Variants in ATAD2B observed in about 807,000 individuals in gnomAD.
ATAD2B encodes the protein ATPase family AAA domain-containing protein 2B.
ATAD2B carries 40 observed loss-of-function variants against 167.6 expected under a neutral mutation model. The ratio of observed to expected loss-of-function variants is 0.24; its 90% confidence interval spans 0.19 to 0.31. The LOEUF (loss-of-function observed/expected upper bound fraction) is 0.31, where lower values mean the gene tolerates loss of function less well. Ranked by LOEUF, ATAD2B falls within the 10% of genes least tolerant of loss-of-function variation. The pLI is 1.00. For synonymous variants in ATAD2B, 579 were observed against 596.5 expected (o/e 0.97, Z 0.43); for missense variants, 1,242 against 1,757.2 (o/e 0.71, Z 5.24).
At chr2:23,797,857 T>A (rs908792876) in intron 19 of ATAD2B, among the ~76,000 whole-genome samples, 4 of 152,186 alleles carry the variant, frequency 2.6e-5, no homozygotes, top group African/African-American at 9.6e-5. Flanking sequence ...AGGTTTTGAA[T>A]TTTTGAATTA....
At chr2:23,915,323 G>A (rs551301649) in intron 1 of ATAD2B, among the ~76,000 whole-genome samples, 1 of 151,832 alleles carries the variant, frequency 6.6e-6, no homozygotes, top group South Asian at 2.1e-4. Context: ...ATTATTTTGG[G>A]ACAAGCATAA....
At chr2:23,912,061 ATT>A (rs916475450) in intron 1 of ATAD2B, among the ~76,000 whole-genome samples, 2 of 152,112 alleles carry the variant, frequency 1.3e-5, no homozygotes, top group African/African-American at 2.4e-5. Flanking sequence ...CAGAATACAT[ATT>A]CTTTTCCAGC....
At chr2:23,714,426 G>T in the ATAD2B span, among the ~76,000 whole-genome samples, 1 of 145,470 alleles carries the variant, frequency 6.9e-6, no homozygotes, top group Non-Finnish European at 1.5e-5. Flanking sequence ...TTTTTTAGTA[G>T]AGACAGGGTT....
intron 1 of ATAD2B, among the ~76,000 whole-genome samples, chr2:23,908,233 C>T (rs1433460331): frequency 6.6e-6 from 1 of 151,876 alleles, no homozygotes; most frequent in Non-Finnish European, 1.5e-5. Flanking sequence ...ATTTTCGCAA[C>T]CTACTCATCT....
intron 1 of ATAD2B, among the ~76,000 whole-genome samples, chr2:23,898,574 T>C (rs754565246): frequency 4.6e-5 from 7 of 152,254 alleles, no homozygotes; most frequent in Non-Finnish European, 1.0e-4. Flanking sequence ...GCACATGTTC[T>C]CAGGACCTCT....
intron 1 of ATAD2B, among the ~76,000 whole-genome samples, chr2:23,907,668 C>G (rs966251686): frequency 6.6e-6 from 1 of 152,118 alleles, no homozygotes; most frequent in Non-Finnish European, 1.5e-5. Flanking sequence ...CAAAAAAGAG[C>G]CCCCATTGCC....
At chr2:23,697,682 A>T in the ATAD2B span, 1 of 152,192 alleles carries the variant, frequency 6.6e-6, no homozygotes, top group Non-Finnish European at 1.5e-5. Flanking sequence ...AGTAGAGCCC[A>T]GAGATGGCTC....
chr2:23,742,016 A>G, the ATAD2B span, among the ~76,000 whole-genome samples: 1 of 152,198 alleles, frequency 6.6e-6, no homozygotes, highest in South Asian at 2.1e-4. Flanking sequence ...ACCATCTCAC[A>G]CCAGTTGGAA....
intron 11 of ATAD2B, among the ~76,000 whole-genome samples, chr2:23,864,165 T>C (rs999323779): frequency 5.9e-5 from 9 of 151,928 alleles, no homozygotes; most frequent in African/African-American, 2.2e-4. Flanking sequence ...ACACCACCCC[T>C]AGCTAATTTT....
At position 23,812,292 on chromosome 2, in the gene ATAD2B, G is replaced by A. The variant is rs1421395143; in HGVS notation, c.2268-1790C>T. 3.0e-5 allele frequency among the ~76,000 whole-genome samples: 4 copies of A among 133,374 alleles called. No individual in the cohort carries two copies. The Admixed American group carries it at 3.2e-4, about 11-fold the overall frequency. 87.5% of individuals were successfully genotyped at this position (133,374 alleles called of 152,430 possible). A position where few individuals can be genotyped will look rare whatever the true frequency, so the allele number is the denominator to read the frequency against. ...CAATAACCACTGTAAAAAAGGAAAGGAGATCCTATTCACTGCAAAAAAAAA... is the reference window on the plus strand; with the variant it reads ...CAATAACCACTGTAAAAAAGGAAAGAAGATCCTATTCACTGCAAAAAAAAA... On this transcript the variant is annotated intron_variant, in intron 17 of 27. Coordinates refer to ENST00000238789, the MANE Select transcript of ATAD2B (RefSeq NM_017552.4).
chr2:23,710,005 C>T, the ATAD2B span, among the ~76,000 whole-genome samples: 3 of 152,084 alleles, frequency 2.0e-5, no homozygotes, highest in African/African-American at 7.2e-5. Context: ...TATCAGGAGT[C>T]CATGAGACAA....
the ATAD2B span, among the ~76,000 whole-genome samples, chr2:23,683,762 G>A: frequency 7.9e-5 from 12 of 152,196 alleles, no homozygotes; most frequent in East Asian, 3.9e-4. Context: ...GGGAGGAGGC[G>A]CAGAGGGTCC....
At chr2:23,820,429 G>A (rs1687263958) in intron 16 of ATAD2B, among the ~76,000 whole-genome samples, 1 of 152,008 alleles carries the variant, frequency 6.6e-6, no homozygotes, top group African/African-American at 2.4e-5. Flanking sequence ...TTCTCTCTGT[G>A]GGCCTTAGGT....
chr2:23,693,351 C>T, the ATAD2B span: 61 of 1,551,552 alleles, frequency 3.9e-5, no homozygotes, highest in Non-Finnish European at 5.1e-5. Flanking sequence ...ACCACATGGC[C>T]AAGGCCTTCG....
intron 13 of ATAD2B, among the ~76,000 whole-genome samples, chr2:23,838,120 C>T (rs531724758): frequency 1.3e-5 from 2 of 152,228 alleles, no homozygotes; most frequent in African/African-American, 2.4e-5. Flanking sequence ...AATCTATAAG[C>T]GGAATCAAAA....
At chr2:23,904,105 T>A (rs1010956399) in intron 1 of ATAD2B, among the ~76,000 whole-genome samples, 3 of 151,724 alleles carry the variant, frequency 2.0e-5, no homozygotes, top group South Asian at 2.1e-4. Context: ...CACCTCTGAG[T>A]TGAAGTGAGT....
chr2:23,762,581 G>A (rs1210615990), intron 23 of ATAD2B, among the ~76,000 whole-genome samples: 1 of 151,798 alleles, frequency 6.6e-6, no homozygotes, highest in Non-Finnish European at 1.5e-5. Flanking sequence ...TCCCCAAAGG[G>A]GCCCTATTTT....
At chr2:23,889,479 C>T (rs925864391) in intron 2 of ATAD2B, among the ~76,000 whole-genome samples, 1 of 151,978 alleles carries the variant, frequency 6.6e-6, no homozygotes, top group Non-Finnish European at 1.5e-5. Context: ...CTATGACTGC[C>T]TTCTATGTGG....
intron 18 of ATAD2B, among the ~76,000 whole-genome samples, chr2:23,799,101 C>G (rs1318914422): frequency 6.6e-6 from 1 of 152,192 alleles, no homozygotes; most frequent in Non-Finnish European, 1.5e-5. Context: ...ATTAAGTCAA[C>G]AGTTTAATAT....
Sources: gnomAD v4.1 joint callset for allele counts (sites outside exome capture counted in the v4.1 genomes callset) on GRCh38, gnomAD v4.1.1 for gene constraint, MANE v1.5 for transcripts, NCBI Gene and HGNC (gene_info 2026-07-23, HGNC 2026-07-21) for gene names.